SIGLEC1: variants seen among roughly 807,000 people sequenced by gnomAD.
SIGLEC1 encodes sialic acid binding Ig like lectin 1, also known as sialoadhesin.
Under a neutral mutation model 148.0 loss-of-function variants are expected in SIGLEC1, and 132 were observed. The ratio of observed to expected loss-of-function variants is 0.89; its 90% CI spans 0.77 to 1.03. SIGLEC1 has a LOEUF of 1.03. Ranked by LOEUF, SIGLEC1 falls within the 50% of genes least tolerant of loss-of-function variation. SIGLEC1 has a pLI of 0.00. For synonymous variants in SIGLEC1, 945 were observed against 969.0 expected (o/e 0.98, Z 0.46); for missense variants, 2,253 against 2,271.4 (o/e 0.99, Z 0.16).
chr20:3,707,509 C>A (rs1044265361), intron 1 of SIGLEC1, among the ~76,000 whole-genome samples: 1 of 152,032 alleles, frequency 6.6e-6, no homozygotes, highest in Non-Finnish European at 1.5e-5. Flanking sequence ...CACTTCCCTG[C>A]CCCCTCCCCA....
chr20:3,703,853 G>A lies in SIGLEC1; in HGVS notation c.945C>T (p.Val315=). 2 of 1,614,072 alleles carry A rather than the reference G, an allele frequency of 1.2e-6. No individual in the cohort carries two copies. Among genetic ancestry groups the A allele is most frequent in the Non-Finnish European group, 8.5e-7 (1 of 1,180,022 alleles). Residue 315 remains valine (V), a synonymous_variant, in exon 5 of 22, where the codon GTC becomes GTT. Transcript: ENST00000344754. ...CQAENGVGSL[V]SPPISLHIFM... ...AGATGTGGAGGCTGATGGGGGGTGAGACCAAAGAGCCCACGCCGTTCTCAG... is the reference window on the plus strand; with the variant it reads ...AGATGTGGAGGCTGATGGGGGGTGAAACCAAAGAGCCCACGCCGTTCTCAG...
At position 3,694,326 on chromosome 20, in the gene SIGLEC1, G is replaced by A. The variant is rs145048584; in HGVS notation, c.3151C>T (p.Arg1051Cys). The part of the protein sequence containing the change: ...LHVAVAPNTL[R>C]LEIHGAMLED... Reference sequence around the variant, plus strand: ...AGCATAGCCCCGTGGATCTCCAGACGCAGTGTGTTGGGGGCCACAGCCACA... The same window carrying A: ...AGCATAGCCCCGTGGATCTCCAGACACAGTGTGTTGGGGGCCACAGCCACA... The change falls in exon 13 of 22, where the codon CGT becomes TGT. Residue 1051 changes from arginine (R) to cysteine (C), a missense_variant. Physicochemically the swap from Arg to Cys is radical, Grantham distance 180. Transcript: ENST00000344754. 1.4e-4 allele frequency: 222 copies of A among 1,613,206 alleles called. 1 individual carries two copies. The highest frequency in any genetic ancestry group is 8.2e-4 in the Middle Eastern group (5 of 6,062).
chr20:3,698,273 A>G (rs2087822228), intron 8 of SIGLEC1, 140 bp from the exon 9 acceptor site: 6 of 719,940 alleles, frequency 8.3e-6, no homozygotes, highest in Non-Finnish European at 1.3e-5. Context: ...GCACTGCACA[A>G]GGGCAGCCAG....
At position 3,703,226 on chromosome 20, in the gene SIGLEC1, C is replaced by A; in HGVS notation, c.1199G>T (p.Arg400Leu). Reference sequence around the variant, plus strand: ...GACTACCACGCTGACAGGGCCCGAGCGCTCGCTGCCATGGACGTTCTGCAC... The same window carrying A: ...GACTACCACGCTGACAGGGCCCGAGAGCTCGCTGCCATGGACGTTCTGCAC... ...CEVQNVHGSE[R>L]SGPVSVVVNH... Residue 400 changes from arginine to leucine, a missense_variant, in exon 6 of 22, where the codon CGC (arginine) becomes CTC (leucine). Arg to Leu is a moderately radical substitution (Grantham distance 102, BLOSUM62 -2). Coordinates refer to ENST00000344754, the MANE Select transcript of SIGLEC1 (RefSeq NM_023068.4). 1.9e-6 allele frequency: 3 copies of A among 1,614,136 alleles called. No homozygotes were observed. The highest frequency in any genetic ancestry group is 2.5e-6 in the Non-Finnish European group (3 of 1,180,024).
chr20:3,700,679 CTTTTCTTT>C (rs1169582915), intron 7 of SIGLEC1, among the ~76,000 whole-genome samples: 1 of 142,630 alleles, frequency 7.0e-6, no homozygotes, highest in Non-Finnish European at 1.5e-5. Context: ...GAAGACCGTA[CTTTTCTTT>C]TTTCTTTTTC....
chr20:3,688,954 G>A (rs572511667), intron 21 of SIGLEC1: 38 of 615,864 alleles, frequency 6.2e-5, no homozygotes, highest in Middle Eastern at 4.3e-4. Context: ...TAAGCCAGCC[G>A]CCAGCTGACA....
intron 20 of SIGLEC1, 24 bp downstream of exon 20, chr20:3,689,576 G>T: frequency 6.6e-7 from 1 of 1,513,316 alleles, no homozygotes; most frequent in Non-Finnish European, 9.0e-7. Flanking sequence ...CAATCTTCTG[G>T]CCCACTCCCA....
rs2087808543 is a variant in SIGLEC1, at chr20:3,697,161, A to G, written c.2304T>C (p.Asp768=). The part of the protein sequence containing the change: ...TVTLLPVART[D]AALYACRILT... ...GGATGCGGCAGGCGTAAAGGGCAGCATCAGTTCTGGCCACGGGCAGCAGTG... is the reference window on the plus strand; with the variant it reads ...GGATGCGGCAGGCGTAAAGGGCAGCGTCAGTTCTGGCCACGGGCAGCAGTG... The change falls in exon 10 of 22, where the codon GAT becomes GAC. Residue 768 remains aspartate (D), a synonymous_variant. Coordinates refer to ENST00000344754, the MANE Select transcript of SIGLEC1 (RefSeq NM_023068.4). 3 of 1,613,826 alleles carry G rather than the reference A, an allele frequency of 1.9e-6. No homozygotes were observed. Among genetic ancestry groups the G allele is most frequent in the Non-Finnish European group, 2.5e-6 (3 of 1,180,042 alleles).
At chr20:3,708,863 T>C (rs1201916661) in intron 1 of SIGLEC1, among the ~76,000 whole-genome samples, 1 of 151,858 alleles carries the variant, frequency 6.6e-6, no homozygotes, top group Non-Finnish European at 1.5e-5. Context: ...CTGGCCAACA[T>C]GGTGAAACCC....
Position 3,692,722 on chromosome 20 carries a change from T to G in SIGLEC1, c.3829A>C (p.Ile1277Leu). ...PEAAVPEGAP[I>L]TVTCADPAAH... is the part of the protein sequence containing the mutation. Reference sequence around the variant, plus strand: ...GCAGGGTCCGCACAGGTCACTGTGATGGGGGCACCTTCAGGCACGGCAGCC... The same window carrying G: ...GCAGGGTCCGCACAGGTCACTGTGAGGGGGGCACCTTCAGGCACGGCAGCC... The change falls in exon 16 of 22, where the codon ATC (isoleucine) becomes CTC (leucine). Residue 1277 changes from isoleucine (I) to leucine (L), a missense_variant. Physicochemically the swap from Ile to Leu is conservative, Grantham distance 5. Coordinates refer to ENST00000344754, the MANE Select transcript of SIGLEC1 (RefSeq NM_023068.4). 3 of 1,612,502 alleles carry G rather than the reference T, an allele frequency of 1.9e-6. No homozygotes were observed. The highest frequency in any genetic ancestry group is 2.5e-6 in the Non-Finnish European group (3 of 1,179,774).
rs1408477366 is a variant in SIGLEC1, at chr20:3,710,531, G to C, written c.-110+1939C>G. On this transcript the variant is annotated intron_variant, in intron 1 of 21. Coordinates refer to ENST00000344754, the MANE Select transcript of SIGLEC1 (RefSeq NM_023068.4). The surrounding 1 kb of genome is among the most constrained non-coding windows in gnomAD (Gnocchi z 4.6). ...CTCCACACCAGGTTCTTGGCCACTG[G>C]AGAATGATATAGCTGGGGCCCTGGG... 1.3e-5 allele frequency among the ~76,000 whole-genome samples: 2 copies of C among 152,216 alleles called. No individual in the cohort carries two copies. The highest frequency in any genetic ancestry group is 3.8e-4 in the East Asian group (2 of 5,198).
Position 3,693,763 on chromosome 20 carries a change from T to C in SIGLEC1, c.3257-65A>G, listed in dbSNP as rs934962187. 4.8e-6 allele frequency: 7 copies of C among 1,469,998 alleles called. No individual in the cohort carries two copies. The African/African-American group carries it at 9.8e-5, about 21-fold the overall frequency. The allele number at this position is 1,469,998 out of a possible 1,614,324, so 91.1% of individuals were successfully genotyped here. On this transcript the variant is annotated intron_variant, in intron 13 of 21. Coordinates refer to ENST00000344754, the MANE Select transcript of SIGLEC1 (RefSeq NM_023068.4). Reference sequence around the variant, plus strand: ...GAGGCTGTGTACAGCAGGCCACCTGTCTCCATGTGGGTGAGCTACTCCTAC... The same window carrying C: ...GAGGCTGTGTACAGCAGGCCACCTGCCTCCATGTGGGTGAGCTACTCCTAC...
In SIGLEC1 at chr20:3,699,218, A is replaced by G. The variant is rs2087829318; in HGVS notation, c.1770T>C (p.Ala590=). ...GHSASGPSSP[A]VLTVLYPPRQ... ...GCTGCTCACAGAGCACAGTGAGAACAGCTGGCGAAGAGGGGCCACTGGCAC... is the reference window on the plus strand; with the variant it reads ...GCTGCTCACAGAGCACAGTGAGAACGGCTGGCGAAGAGGGGCCACTGGCAC... Residue 590 remains alanine (A), a synonymous_variant, in exon 8 of 22, where the codon GCT becomes GCC. Coordinates refer to ENST00000344754, the MANE Select transcript of SIGLEC1 (RefSeq NM_023068.4). 6.2e-7 allele frequency: 1 copy of G among 1,609,900 alleles called. No individual in the cohort carries two copies. The highest frequency in any genetic ancestry group is 1.1e-5 in the South Asian group (1 of 90,604).
chr20:3,693,804 T>C (rs1457520120), intron 13 of SIGLEC1, 106 bp from the exon 14 acceptor site: 2 of 1,313,430 alleles, frequency 1.5e-6, no homozygotes, highest in Admixed American at 5.3e-5. Flanking sequence ...GGGAGCCCCT[T>C]GGCCTTTGGG....
intron 2 of SIGLEC1, 138 bp from the exon 3 acceptor site, chr20:3,706,844 G>C (rs2087900605): frequency 1.7e-6 from 2 of 1,167,620 alleles, no homozygotes; most frequent in East Asian, 2.6e-5. Flanking sequence ...TGCACACTTA[G>C]AGCAGCCCTT....
intron 20 of SIGLEC1, 131 bp downstream of exon 20, chr20:3,689,469 A>T (rs1357894371): frequency 4.4e-6 from 3 of 677,400 alleles, no homozygotes; most frequent in African/African-American, 3.6e-5. Flanking sequence ...TCCAATTTGG[A>T]GGGGCAGTCT....
In SIGLEC1 at chr20:3,697,114, A is replaced by C. The variant is rs1160611899; in HGVS notation, c.2351T>G (p.Leu784Arg). 6.2e-7 allele frequency: 1 copy of C among 1,612,718 alleles called. No homozygotes were observed. Among genetic ancestry groups the C allele is most frequent in the Non-Finnish European group, 8.5e-7 (1 of 1,179,952 alleles). ...TACACTCAGGAGCACGGGAGTGGAG[A>C]GCTGGGCACCAGCCTCAGTCAGGAT... ...CRILTEAGAQ[L>R]STPVLLSVLY... Residue 784 changes from leucine (L) to arginine (R), a missense_variant, in exon 10 of 22, where the codon CTC becomes CGC. Physicochemically the swap from Leu to Arg is moderately radical, Grantham distance 102. Transcript: ENST00000344754.
rs759609318 is a variant in SIGLEC1 at position 3,694,887 on chromosome 20, T to G, written c.2720A>C (p.Gln907Pro). 1.1e-5 allele frequency: 18 copies of G among 1,613,114 alleles called. No individual in the cohort carries two copies. Among genetic ancestry groups the G allele is most frequent in the Non-Finnish European group, 1.4e-5 (17 of 1,179,956 alleles). Reference protein sequence around the residue: ...WVQVSPSPELQEGQAVVLSCQ... With the variant: ...WVQVSPSPELPEGQAVVLSCQ... ...GCTCAGGACCACAGCCTGGCCCTCT[T>G]GGAGCTCAGGTGATGGTGACACCTG... Residue 907 changes from glutamine (Q) to proline (P), a missense_variant, in exon 12 of 22, where the codon CAA (glutamine) becomes CCA (proline). Coordinates refer to ENST00000344754, the MANE Select transcript of SIGLEC1 (RefSeq NM_023068.4).
intron 8 of SIGLEC1, among the ~76,000 whole-genome samples, chr20:3,698,887 A>C (rs2087826574): frequency 6.6e-6 from 1 of 152,194 alleles, no homozygotes; most frequent in Admixed American, 6.5e-5. Flanking sequence ...CATGTGCACA[A>C]ATAGAGGAGT....
Sources: gnomAD v4.1 joint callset for allele counts (sites outside exome capture counted in the v4.1 genomes callset) on GRCh38, gnomAD v4.1.1 for gene constraint, Gnocchi (gnomAD v3.1) non-coding constraint, MANE v1.5 for transcripts, NCBI Gene and HGNC (gene_info 2026-07-23, HGNC 2026-07-21) for gene names.